The following GSAP variants were observed in gnomAD, a reference collection of about 807,000 sequenced individuals.
GSAP encodes gamma-secretase-activating protein.
In GSAP, 118 loss-of-function variants were observed where a neutral mutation model predicts 131.7. That is an observed-to-expected ratio of 0.90 (90% CI 0.77 to 1.04). The LOEUF (loss-of-function observed/expected upper bound fraction) is 1.04, where lower values mean the gene tolerates loss of function less well. Ranked by LOEUF, GSAP falls within the 50% of genes least tolerant of loss-of-function variation. The pLI, the probability that GSAP is intolerant of heterozygous loss-of-function variation, is 0.00. For synonymous variants in GSAP, 381 were observed against 363.4 expected (o/e 1.05, Z -0.55); for missense variants, 1,019 against 1,013.2 (o/e 1.01, Z -0.08).
At chr7:77,354,888 T>C (rs1303198401) in intron 16 of GSAP, among the ~76,000 whole-genome samples, 2 of 152,202 alleles carry the variant, frequency 1.3e-5, no homozygotes, top group African/African-American at 2.4e-5. Flanking sequence ...TTGATAATTA[T>C]AGATCAAATA....
At chr7:77,379,227 T>C (rs1797429973) in intron 8 of GSAP, among the ~76,000 whole-genome samples, 1 of 152,060 alleles carries the variant, frequency 6.6e-6, no homozygotes, top group South Asian at 2.1e-4. Flanking sequence ...GGTTCAAATC[T>C]CAGTTTTGTT....
At position 77,396,839 on chromosome 7, in the gene GSAP, T is replaced by C; in HGVS notation, c.367+143A>G. Reference sequence around the variant, plus strand: ...AAAAATTTTTTTTAAGTCTTTTTCATGCTTGACATGACCTTTGCCTTTTAT... The same window carrying C: ...AAAAATTTTTTTTAAGTCTTTTTCACGCTTGACATGACCTTTGCCTTTTAT... On this transcript the variant is annotated intron_variant, in intron 5 of 30. Transcript: ENST00000257626. 4 of 508,014 alleles carry C rather than the reference T, an allele frequency of 7.9e-6. No individual in the cohort carries two copies. The South Asian group carries it at 1.6e-4, about 20-fold the overall frequency. The allele number at this position is 508,014 out of a possible 1,614,324, so 31.5% of individuals were successfully genotyped here.
At chr7:77,385,282 C>T (rs1398356363) in intron 6 of GSAP, among the ~76,000 whole-genome samples, 2 of 152,158 alleles carry the variant, frequency 1.3e-5, no homozygotes, top group East Asian at 3.9e-4. Context: ...AATCTGCCCT[C>T]CTTGGCCTCC....
At chr7:77,362,705 CATAA>C (rs750639861) in intron 12 of GSAP, 45 bp from the exon 13 acceptor site, 12 of 1,129,954 alleles carry the variant, frequency 1.1e-5, no homozygotes, top group Admixed American at 7.0e-5. Context: ...GAATCTATGT[CATAA>C]ATAAAGTTTC....
At chr7:77,338,544 G>A (rs1264940377) in intron 19 of GSAP, among the ~76,000 whole-genome samples, 5 of 152,122 alleles carry the variant, frequency 3.3e-5, no homozygotes, top group African/African-American at 4.8e-5. Flanking sequence ...CAGTTCTTCC[G>A]ACTGGAGTGC....
At chr7:77,364,380 GA>G (rs762017133) in intron 12 of GSAP, among the ~76,000 whole-genome samples, 1 of 151,566 alleles carries the variant, frequency 6.6e-6, no homozygotes. Flanking sequence ...TTCTCATTTT[GA>G]AAAAAAGTAA....
intron 12 of GSAP, among the ~76,000 whole-genome samples, chr7:77,372,244 TGAAAA>T (rs1375624298): frequency 1.3e-5 from 2 of 152,142 alleles, no homozygotes; most frequent in Non-Finnish European, 2.9e-5. Context: ...AATATGTCAA[TGAAAA>T]GAAAAGAAAG....
chr7:77,409,170 G>T (rs1345570576), intron 1 of GSAP, among the ~76,000 whole-genome samples: 1 of 152,126 alleles, frequency 6.6e-6, no homozygotes, highest in South Asian at 2.1e-4. Context: ...TGGTCTCTTA[G>T]GAGACTAGGA....
chr7:77,311,520 C>T (rs1457185854), intron 30 of GSAP, 71 bp from the exon 31 acceptor site: 2 of 745,208 alleles, frequency 2.7e-6, no homozygotes, highest in African/African-American at 3.5e-5. Context: ...TAACTTTGTG[C>T]TCACAGCTCA....
intron 13 of GSAP, among the ~76,000 whole-genome samples, chr7:77,362,132 G>A (rs937621369): frequency 6.6e-6 from 1 of 152,088 alleles, no homozygotes; most frequent in Non-Finnish European, 1.5e-5. Flanking sequence ...CTTTCTTCAG[G>A]AAATATATAT....
intron 13 of GSAP, among the ~76,000 whole-genome samples, chr7:77,362,244 T>A (rs1794633610): frequency 6.6e-6 from 1 of 152,154 alleles, no homozygotes; most frequent in Admixed American, 6.5e-5. Flanking sequence ...CCCCACACTT[T>A]GGTAAGCTGA....
chr7:77,388,270 T>C (rs866688473), intron 5 of GSAP, among the ~76,000 whole-genome samples: 4 of 152,210 alleles, frequency 2.6e-5, no homozygotes, highest in Non-Finnish European at 4.4e-5. Context: ...ACAAACACAG[T>C]GCGATTCTCT....
At chr7:77,357,196 G>T (rs1793883903) in intron 14 of GSAP, among the ~76,000 whole-genome samples, 1 of 152,124 alleles carries the variant, frequency 6.6e-6, no homozygotes, top group African/African-American at 2.4e-5. Context: ...TTGGCATTTG[G>T]TGAGTAGGCT....
At chr7:77,344,616 C>G (rs1791511680) in intron 19 of GSAP, among the ~76,000 whole-genome samples, 1 of 152,164 alleles carries the variant, frequency 6.6e-6, no homozygotes, top group Admixed American at 6.5e-5. Flanking sequence ...CACTGTTGCT[C>G]CAAGCCATCA....
chr7:77,394,666 C>A (rs1800080606), intron 5 of GSAP, among the ~76,000 whole-genome samples: 1 of 152,172 alleles, frequency 6.6e-6, no homozygotes, highest in Admixed American at 6.5e-5. Flanking sequence ...AAATTAGTGA[C>A]CACCTTGGAT....
At chr7:77,392,027 C>G (rs1402351907) in intron 5 of GSAP, among the ~76,000 whole-genome samples, 1 of 152,070 alleles carries the variant, frequency 6.6e-6, no homozygotes, top group Non-Finnish European at 1.5e-5. Flanking sequence ...GAGTTCGAGA[C>G]CAGCCTGGCC....
intron 12 of GSAP, among the ~76,000 whole-genome samples, chr7:77,371,436 T>TC (rs1356717445): frequency 2.0e-5 from 3 of 147,504 alleles, no homozygotes; most frequent in Non-Finnish European, 4.5e-5. Context: ...TTTTTCTTTT[T>TC]TTTTTTTTTT....
intron 5 of GSAP, among the ~76,000 whole-genome samples, chr7:77,393,066 A>T (rs919198808): frequency 1.3e-5 from 2 of 151,606 alleles, no homozygotes; most frequent in African/African-American, 4.9e-5. Flanking sequence ...ATTACTGATT[A>T]AAAAAAGAAA....
chr7:77,402,364 G>T (rs1167652713), intron 3 of GSAP, among the ~76,000 whole-genome samples: 1 of 143,584 alleles, frequency 7.0e-6, no homozygotes, highest in Non-Finnish European at 1.5e-5. Context: ...GGCCAACATG[G>T]GAAACCCCAT....
Sources: allele counts gnomAD v4.1 joint callset (sites outside exome capture counted in the v4.1 genomes callset), GRCh38; gene constraint gnomAD v4.1.1; transcripts MANE v1.5; gene names NCBI Gene and HGNC (gene_info 2026-07-23, HGNC 2026-07-21).